METTL2B: variants seen among roughly 807,000 people sequenced by gnomAD.
METTL2B encodes the protein methyltransferase 2B, tRNA N3-cytidine.
Under a neutral mutation model 51.0 loss-of-function variants are expected in METTL2B, and 28 were observed. That is an observed-to-expected ratio of 0.55 (90% confidence interval 0.41 to 0.75). The LOEUF (loss-of-function observed/expected upper bound fraction) is 0.75. METTL2B is among the 30% of genes least tolerant of loss of function. The pLI, the probability that METTL2B is intolerant of heterozygous loss-of-function variation, is 0.00. For missense variants in METTL2B, 313 were observed against 460.7 expected (o/e 0.68, Z 2.93); for synonymous variants, 128 against 166.3 (o/e 0.77, Z 1.77).
At position 128,488,042 on chromosome 7, in the gene METTL2B, T is replaced by C. The variant is rs1329519151; in HGVS notation, c.609-59T>C. On this transcript the variant is annotated intron_variant, in intron 4 of 8. Coordinates refer to ENST00000262432, the MANE Select transcript of METTL2B (RefSeq NM_018396.3). ...ATATTTTAACTGTGCTACACAAGAA[T>C]GAGAGTAGACATAGCTCGATTTGTA... The C allele has an allele frequency of 9.7e-5, 115 of 1,191,104 alleles. 2 individuals are homozygous for C. In the South Asian group the frequency reaches 1.6e-3, roughly 16 times the overall value. The allele number at this position is 1,191,104 out of a possible 1,614,324, so 73.8% of individuals were successfully genotyped here.
At chr7:128,477,014 A>G in intron 1 of METTL2B, 68 bp from the exon 2 acceptor site, 2 of 1,609,940 alleles carry the variant, frequency 1.2e-6, no homozygotes, top group Non-Finnish European at 1.7e-6. Context: ...AGAAACTCCT[A>G]GGCCAGCGAC....
At chr7:128,499,840 C>T (rs1250902301) in intron 7 of METTL2B, among the ~76,000 whole-genome samples, 7 of 152,018 alleles carry the variant, frequency 4.6e-5, no homozygotes, top group African/African-American at 1.7e-4. Flanking sequence ...TTTTTAAGTA[C>T]CCAATTATTG....
chr7:128,493,631 G>A (rs1792874287), intron 5 of METTL2B, among the ~76,000 whole-genome samples, 173 bp from the exon 6 acceptor site: 1 of 152,128 alleles, frequency 6.6e-6, no homozygotes, highest in South Asian at 2.1e-4. Context: ...CCAACAGTTT[G>A]AGGCCAGCCT....
intron 4 of METTL2B, chr7:128,484,243 T>TTTTTTTTG (rs1792658788): frequency 7.6e-6 from 1 of 131,278 alleles, no homozygotes; most frequent in African/African-American, 3.0e-5. Context: ...TTTTTTTTTT[T>TTTTTTTTG]TTGAGACAGG....
intron 4 of METTL2B, among the ~76,000 whole-genome samples, chr7:128,487,079 C>T (rs3958067): frequency 6.6e-6 from 1 of 152,196 alleles, no homozygotes; most frequent in Admixed American, 6.6e-5. Flanking sequence ...ACGTGTGAAA[C>T]GTATCTAATG....
At chr7:128,477,890 C>T in intron 2 of METTL2B, 1 of 428,096 alleles carries the variant, frequency 2.3e-6, no homozygotes, top group South Asian at 1.6e-5. Context: ...TAGATCAAAG[C>T]AAGTTAATAG....
At chr7:128,500,813 A>G in intron 7 of METTL2B, 90 bp from the exon 8 acceptor site, 15 of 1,501,238 alleles carry the variant, frequency 1.0e-5, no homozygotes, top group Non-Finnish European at 1.4e-5. Flanking sequence ...TCTCCACCCA[A>G]CAAACTGGCC....
chr7:128,501,328 G>A (rs3802008), intron 8 of METTL2B: 1 of 985,236 alleles, frequency 1.0e-6, no homozygotes, highest in Non-Finnish European at 1.2e-6. Flanking sequence ...TGGGTTCTAG[G>A]GGTGCCGGGA....
chr7:128,487,862 G>A (rs999311209), intron 4 of METTL2B, among the ~76,000 whole-genome samples: 2 of 151,794 alleles, frequency 1.3e-5, no homozygotes, highest in African/African-American at 4.8e-5. Flanking sequence ...AGAAGACATT[G>A]ATTTGAAACT....
intron 5 of METTL2B, among the ~76,000 whole-genome samples, chr7:128,491,335 C>G (rs1408735254): frequency 6.6e-6 from 1 of 151,408 alleles, no homozygotes; most frequent in Non-Finnish European, 1.5e-5. Context: ...GTGGTTCATG[C>G]CTGTAATCCC....
intron 2 of METTL2B, 93 bp downstream of exon 2, chr7:128,477,266 C>G: frequency 1.3e-6 from 2 of 1,530,130 alleles, no homozygotes; most frequent in Non-Finnish European, 1.8e-6. Context: ...CCGCCCACAT[C>G]CTTTATTCCT....
rs748878174 is a variant in METTL2B at position 128,488,168 on chromosome 7, A to G, written c.669+7A>G. 3.7e-6 allele frequency: 6 copies of G among 1,613,216 alleles called. No individual in the cohort carries two copies. In the African/African-American group the frequency reaches 4.0e-5, roughly 11 times the overall value. On this transcript the variant is annotated splice_region_variant and intron_variant, in intron 5 of 8. Coordinates refer to ENST00000262432, the MANE Select transcript of METTL2B (RefSeq NM_018396.3). The stretch of plus-strand genomic sequence containing the variant: ...AGCTATAGAACTGGTCCAGGTGAGT[A>G]CGATGGGAAATTACCTATTGGTAAT...
At chr7:128,491,519 G>A (rs1792832154) in intron 5 of METTL2B, among the ~76,000 whole-genome samples, 1 of 151,630 alleles carries the variant, frequency 6.6e-6, no homozygotes, top group Non-Finnish European at 1.5e-5. Flanking sequence ...GCTTGAACCT[G>A]GGAGGCAGAG....
chr7:128,499,834 T>A (rs572686252), intron 7 of METTL2B, among the ~76,000 whole-genome samples: 1 of 152,316 alleles, frequency 6.6e-6, no homozygotes, highest in South Asian at 2.1e-4. Flanking sequence ...AGCCTTTTTT[T>A]AAGTACCCAA....
intron 8 of METTL2B, chr7:128,501,458 T>C: frequency 1.0e-6 from 1 of 985,430 alleles, no homozygotes; most frequent in Middle Eastern, 5.2e-4. Flanking sequence ...GAAACCTCTT[T>C]CCTAAAGCAA....
Position 128,479,185 on chromosome 7 carries a change from A to G in METTL2B, c.230A>G (p.Tyr77Cys), listed in dbSNP as rs1264450413. The change falls in exon 3 of 9, where the codon TAC becomes TGC. Residue 77 changes from tyrosine to cysteine, a missense_variant. Coordinates refer to ENST00000262432, the MANE Select transcript of METTL2B (RefSeq NM_018396.3). ...QVDYEINAHKYWNDFYKIHEN... is the reference protein window; with the variant it reads ...QVDYEINAHKCWNDFYKIHEN... ...GATTATGAGATCAATGCCCACAAAT[A>G]CTGGAATGACTTCTACAAAATCCAC... is the stretch of plus-strand genomic sequence containing the variant. The G allele has an allele frequency of 6.2e-7, 1 of 1,613,448 alleles. No individual in the cohort carries two copies. The highest frequency in any genetic ancestry group is 8.5e-7 in the Non-Finnish European group (1 of 1,179,452).
In METTL2B at chr7:128,501,478, C is replaced by G. The variant is rs193198235; in HGVS notation, c.983-284C>G. 289 of 985,406 alleles carry G rather than the reference C, an allele frequency of 2.9e-4. 1 individual carries two copies. The African/African-American group carries it at 4.9e-3, about 17-fold the overall frequency. The allele number at this position is 985,406 out of a possible 1,614,324, so 61.0% of individuals were successfully genotyped here. Reference sequence around the variant, plus strand: ...CTCTTTCCTAAAGCAATTGCTTTGACATACGTAGATAGTTTTGCATAAATT... The same window carrying G: ...CTCTTTCCTAAAGCAATTGCTTTGAGATACGTAGATAGTTTTGCATAAATT... On this transcript the variant is annotated intron_variant, in intron 8 of 8. Transcript: ENST00000262432.
chr7:128,497,054 GTTTTT>G (rs900992911), intron 6 of METTL2B, among the ~76,000 whole-genome samples: 1 of 151,508 alleles, frequency 6.6e-6, no homozygotes, highest in African/African-American at 2.4e-5. Context: ...TCTGTTTTTT[GTTTTT>G]TTTAAGTGGG....
chr7:128,485,579 T>A (rs1792686420), intron 4 of METTL2B, among the ~76,000 whole-genome samples: 1 of 149,346 alleles, frequency 6.7e-6, no homozygotes, highest in Non-Finnish European at 1.5e-5. Context: ...GGCAGGAGAA[T>A]GGCATGAACC....
Sources: allele counts gnomAD v4.1 joint callset (sites outside exome capture counted in the v4.1 genomes callset), GRCh38; gene constraint gnomAD v4.1.1; transcripts MANE v1.5; gene names NCBI Gene and HGNC (gene_info 2026-07-23, HGNC 2026-07-21).